KCNIP4: variants seen among roughly 807,000 people sequenced by gnomAD.
KCNIP4 encodes Kv channel-interacting protein 4.
In KCNIP4, 12 loss-of-function variants were observed where a neutral mutation model predicts 34.0. The ratio of observed to expected loss-of-function variants is 0.35; its 90% CI spans 0.23 to 0.57. The LOEUF (loss-of-function observed/expected upper bound fraction) is 0.57. KCNIP4 is among the 20% of genes least tolerant of loss of function. The pLI, the probability that KCNIP4 is intolerant of heterozygous loss-of-function variation, is 0.83. For synonymous variants in KCNIP4, 124 were observed against 102.2 expected (o/e 1.21, Z -1.29); for missense variants, 238 against 311.7 (o/e 0.76, Z 1.78).
At chr4:21,872,538 A>C (rs1052491565) in intron 1 of KCNIP4, among the ~76,000 whole-genome samples, 1 of 152,190 alleles carries the variant, frequency 6.6e-6, no homozygotes, top group Non-Finnish European at 1.5e-5. Flanking sequence ...TAGTGATCCA[A>C]AAACGAGATT....
At position 21,519,717 on chromosome 4, in the gene KCNIP4, TATACACACGTGTGTATATGTATG is replaced by T. The variant is rs200131160; in HGVS notation, c.61+428831_61+428853del. ...ACACGTGTGTGTATGTATGTGTATA[TATACACACGTGTGTATATGTATG>T]ATACACACGTGTGTGTATGTATGTG... On this transcript the variant is annotated intron_variant, in intron 1 of 8. Transcript: ENST00000382152. Among the ~76,000 whole-genome samples, 362 of 130,706 alleles carry T rather than the reference TATACACACGTGTGTATATGTATG, an allele frequency of 2.8e-3. 11 individuals carry two copies. Among genetic ancestry groups the T allele is most frequent in the African/African-American group, 0.01 (334 of 33,292 alleles). The allele number at this position is 130,706 out of a possible 152,430, so 85.7% of individuals were successfully genotyped here. A position where few individuals can be genotyped will look rare whatever the true frequency, so the allele number is the denominator to read the frequency against.
intron 1 of KCNIP4, among the ~76,000 whole-genome samples, chr4:21,004,478 G>A (rs910409467): frequency 2.0e-5 from 3 of 152,176 alleles, no homozygotes; most frequent in African/African-American, 7.2e-5. Context: ...ATATCCTGGA[G>A]AGACAGTCCA....
intron 1 of KCNIP4, among the ~76,000 whole-genome samples, chr4:21,826,110 G>A (rs79235955): frequency 2.0e-5 from 3 of 152,084 alleles, no homozygotes; most frequent in African/African-American, 7.2e-5. Context: ...AGTGCTAAGG[G>A]ATAAGGTTAG....
chr4:21,306,935 G>T (rs1351236891), intron 1 of KCNIP4, among the ~76,000 whole-genome samples: 1 of 151,874 alleles, frequency 6.6e-6, no homozygotes, highest in Non-Finnish European at 1.5e-5. Flanking sequence ...CAATTCTCCT[G>T]CCTCAGCCTC....
chr4:21,167,457 A>G (rs2109285812), intron 1 of KCNIP4, among the ~76,000 whole-genome samples: 1 of 152,334 alleles, frequency 6.6e-6, no homozygotes, highest in African/African-American at 2.4e-5. Context: ...TCTGCTTCCT[A>G]TCATTTAGTC....
At chr4:20,730,153 A>C in intron 8 of KCNIP4, 24 bp from the exon 9 acceptor site, 1 of 1,592,074 alleles carries the variant, frequency 6.3e-7, no homozygotes, top group Non-Finnish European at 8.5e-7. Flanking sequence ...ACACAGAGCG[A>C]TTAAATTCAG....
chr4:21,620,541 T>C (rs9631703), intron 1 of KCNIP4, among the ~76,000 whole-genome samples: 18,695 of 152,024 alleles, frequency 0.12, 1,272 homozygotes, highest in African/African-American at 0.16. Context: ...ACAGTAGGCA[T>C]AGAAAAATAT....
chr4:21,930,944 C>G (rs1729526602), intron 1 of KCNIP4, among the ~76,000 whole-genome samples: 1 of 152,170 alleles, frequency 6.6e-6, no homozygotes, highest in South Asian at 2.1e-4. Flanking sequence ...CAACCATCAG[C>G]AGACCCTGTT....
chr4:21,072,063 T>C (rs1744993124), intron 1 of KCNIP4, among the ~76,000 whole-genome samples: 1 of 152,226 alleles, frequency 6.6e-6, no homozygotes, highest in South Asian at 2.1e-4. Context: ...TTGGGTTGGT[T>C]CCAAGTCTTT....
chr4:20,845,357 C>T (rs866864865), intron 3 of KCNIP4, among the ~76,000 whole-genome samples: 21 of 152,252 alleles, frequency 1.4e-4, no homozygotes, highest in African/African-American at 4.6e-4. Flanking sequence ...ATCAATCAAC[C>T]TAGTGACACT....
At chr4:21,468,008 T>C (rs1730140689) in intron 1 of KCNIP4, among the ~76,000 whole-genome samples, 1 of 118,664 alleles carries the variant, frequency 8.4e-6, no homozygotes, top group Non-Finnish European at 2.1e-5. Context: ...TGGGAACAAA[T>C]TCTGCCCCAG....
At chr4:21,285,677 A>G (rs376705950) in intron 1 of KCNIP4, among the ~76,000 whole-genome samples, 15 of 151,954 alleles carry the variant, frequency 9.9e-5, no homozygotes, top group African/African-American at 3.6e-4. Flanking sequence ...AAAAATCCAA[A>G]AACAAAACAA....
intron 1 of KCNIP4, among the ~76,000 whole-genome samples, chr4:21,718,172 G>A (rs923519513): frequency 2.0e-5 from 3 of 152,144 alleles, no homozygotes; most frequent in African/African-American, 7.2e-5. Context: ...AGGAGTATGT[G>A]TGCTCTCCTT....
intron 1 of KCNIP4, among the ~76,000 whole-genome samples, chr4:21,861,558 G>A (rs755211774): frequency 9.4e-5 from 14 of 149,572 alleles, no homozygotes; most frequent in Non-Finnish European, 1.8e-4. Flanking sequence ...GGCTCAGGCA[G>A]GAGAATCACT....
chr4:21,516,278 C>T (rs1005721531), intron 1 of KCNIP4, among the ~76,000 whole-genome samples: 1 of 152,118 alleles, frequency 6.6e-6, no homozygotes, highest in African/African-American at 2.4e-5. Context: ...CATAAGTTCT[C>T]TTCATATAGC....
At chr4:21,673,746 T>C (rs1231829947) in intron 1 of KCNIP4, among the ~76,000 whole-genome samples, 4 of 152,200 alleles carry the variant, frequency 2.6e-5, no homozygotes, top group Non-Finnish European at 5.9e-5. Flanking sequence ...TAATGAACTA[T>C]GCTCCTGTGT....
intron 1 of KCNIP4, among the ~76,000 whole-genome samples, chr4:21,771,513 A>T (rs1051616131): frequency 4.3e-4 from 65 of 152,262 alleles, no homozygotes; most frequent in African/African-American, 1.5e-3. Flanking sequence ...AATAGCATTG[A>T]ATCTATAAAT....
intron 1 of KCNIP4, among the ~76,000 whole-genome samples, chr4:21,511,019 G>A (rs1734271495): frequency 6.6e-6 from 1 of 151,978 alleles, no homozygotes; most frequent in Non-Finnish European, 1.5e-5. Flanking sequence ...ACTCCAGCCT[G>A]GGCGACAGAG....
At chr4:21,329,770 C>A (rs1344494911) in intron 1 of KCNIP4, among the ~76,000 whole-genome samples, 5 of 152,134 alleles carry the variant, frequency 3.3e-5, no homozygotes, top group Non-Finnish European at 5.9e-5. Flanking sequence ...CAATACCATG[C>A]AGGTAGAAAG....
Sources: allele counts gnomAD v4.1 joint callset (sites outside exome capture counted in the v4.1 genomes callset), GRCh38; gene constraint gnomAD v4.1.1; transcripts MANE v1.5; gene names NCBI Gene and HGNC (gene_info 2026-07-23, HGNC 2026-07-21).